Variants in ARHGAP42 observed in about 807,000 individuals in gnomAD.
The protein encoded by ARHGAP42 is rho GTPase-activating protein 42.
A neutral mutation model predicts 125.0 loss-of-function variants in ARHGAP42; 63 were observed. That is an observed-to-expected ratio of 0.50 (90% CI 0.41 to 0.62). The LOEUF (loss-of-function observed/expected upper bound fraction) is 0.62, where lower values mean the gene tolerates loss of function less well. Among genes scored for constraint, ARHGAP42 ranks in the 20% least tolerant of loss-of-function variants. The probability of loss-of-function intolerance (pLI) is 0.00; values close to 1 mark genes in which losing one functional copy is unlikely to be tolerated. For synonymous variants in ARHGAP42, 339 were observed against 351.0 expected, an observed-to-expected ratio of 0.97 and a Z score of 0.38; for missense variants, 766 against 1,024.2, an observed-to-expected ratio of 0.75 and a Z score of 3.44.
At chr11:100,720,649 G>T (rs181629209) in intron 1 of ARHGAP42, among the ~76,000 whole-genome samples, 1 of 150,568 alleles carries the variant, frequency 6.6e-6, no homozygotes, top group African/African-American at 2.5e-5. Flanking sequence ...GATATTTAAC[G>T]TTAATTGTAT....
intron 1 of ARHGAP42, among the ~76,000 whole-genome samples, 155 bp from the exon 2 acceptor site, chr11:100,770,188 A>G (rs576213819): frequency 3.3e-4 from 50 of 152,270 alleles, no homozygotes; most frequent in Non-Finnish European, 6.8e-4. Context: ...TCAAACTGGT[A>G]TTTTAAAGGA....
chr11:100,804,705 G>T (rs1305112828), intron 3 of ARHGAP42, among the ~76,000 whole-genome samples: 1 of 151,812 alleles, frequency 6.6e-6, no homozygotes, highest in Non-Finnish European at 1.5e-5. Flanking sequence ...TTAGAGATGG[G>T]GTTTCACTAT....
chr11:100,867,774 C>A (rs978195898), intron 4 of ARHGAP42, among the ~76,000 whole-genome samples: 2 of 152,216 alleles, frequency 1.3e-5, no homozygotes, highest in African/African-American at 4.8e-5. Context: ...CAGCTTTCAA[C>A]ATACCTTCCT....
At chr11:100,693,956 G>A (rs1286940077) in intron 1 of ARHGAP42, among the ~76,000 whole-genome samples, 2 of 149,544 alleles carry the variant, frequency 1.3e-5, no homozygotes, top group Non-Finnish European at 3.0e-5. Context: ...TTTTTTTGAT[G>A]GAGTCTCGCT....
chr11:100,775,281 C>T (rs947393021), intron 2 of ARHGAP42, among the ~76,000 whole-genome samples: 5 of 152,078 alleles, frequency 3.3e-5, no homozygotes, highest in South Asian at 2.1e-4. Flanking sequence ...GTGCTAGACA[C>T]GCGGGGCTCA....
At chr11:100,913,974 G>A (rs144367339) in intron 5 of ARHGAP42, among the ~76,000 whole-genome samples, 6 of 151,996 alleles carry the variant, frequency 3.9e-5, no homozygotes, top group African/African-American at 7.2e-5. Context: ...TGGCTGTGTC[G>A]CCCAGGCTGG....
intron 2 of ARHGAP42, among the ~76,000 whole-genome samples, chr11:100,783,151 C>T (rs1863353688): frequency 6.6e-6 from 1 of 152,150 alleles, no homozygotes; most frequent in South Asian, 2.1e-4. Context: ...GAACACTAGT[C>T]TTGGCTGGTC....
chr11:100,920,454 C>A (rs1867206773), intron 5 of ARHGAP42, among the ~76,000 whole-genome samples: 1 of 151,856 alleles, frequency 6.6e-6, no homozygotes, highest in Non-Finnish European at 1.5e-5. Context: ...TTTGTGAAAC[C>A]ACCATTATAA....
chr11:100,809,805 A>G (rs1864092828), intron 3 of ARHGAP42, among the ~76,000 whole-genome samples: 1 of 152,020 alleles, frequency 6.6e-6, no homozygotes, highest in African/African-American at 2.4e-5. Flanking sequence ...AAATACAAAA[A>G]TTAGCTGGGC....
intron 1 of ARHGAP42, among the ~76,000 whole-genome samples, chr11:100,734,452 C>T (rs1283135424): frequency 4.7e-5 from 7 of 149,824 alleles, no homozygotes; most frequent in African/African-American, 9.8e-5. Context: ...GCTAATTTTT[C>T]GTATTTTTAG....
At chr11:100,863,408 G>T (rs956360345) in intron 4 of ARHGAP42, among the ~76,000 whole-genome samples, 2 of 152,164 alleles carry the variant, frequency 1.3e-5, no homozygotes, top group Non-Finnish European at 2.9e-5. Context: ...AGTGGAAAAT[G>T]CTGAGTCAAA....
chr11:100,931,823 A>G (rs144889992), intron 6 of ARHGAP42, among the ~76,000 whole-genome samples: 5 of 152,272 alleles, frequency 3.3e-5, no homozygotes, highest in African/African-American at 1.2e-4. Flanking sequence ...GTGCCATAGT[A>G]TATGCATTCA....
At chr11:100,911,102 A>T (rs1866900719) in intron 4 of ARHGAP42, among the ~76,000 whole-genome samples, 1 of 152,192 alleles carries the variant, frequency 6.6e-6, no homozygotes. Flanking sequence ...CTATTTTAAG[A>T]TGAAAGGGAG....
At chr11:100,895,270 T>A (rs1399878088) in intron 4 of ARHGAP42, among the ~76,000 whole-genome samples, 2 of 152,126 alleles carry the variant, frequency 1.3e-5, no homozygotes, top group Non-Finnish European at 2.9e-5. Flanking sequence ...GTGTGGGAAG[T>A]AAAACGTGTT....
In ARHGAP42 at chr11:100,936,244, G is replaced by A; in HGVS notation, c.744G>A (p.Arg248=). The change falls in exon 8 of 24, where the codon CGG becomes CGA. Residue 248 remains arginine, a synonymous_variant. Coordinates refer to ENST00000298815, the MANE Select transcript of ARHGAP42 (RefSeq NM_152432.4). ...AAAGTACTCGACAAGAGGTAGAGCG[G>A]TTGATGCAAAGGATGAAATCTGCTA... is the stretch of plus-strand genomic sequence containing the variant. The part of the protein sequence containing the change: ...NFESTRQEVE[R]LMQRMKSANQ... 1.9e-6 allele frequency: 3 copies of A among 1,551,800 alleles called. No homozygotes were observed. The highest frequency in any genetic ancestry group is 2.6e-6 in the Non-Finnish European group (3 of 1,146,962).
intron 1 of ARHGAP42, among the ~76,000 whole-genome samples, chr11:100,747,877 T>C (rs933127895): frequency 9.2e-5 from 14 of 152,212 alleles, no homozygotes; most frequent in Non-Finnish European, 1.6e-4. Flanking sequence ...ATACCTCAAC[T>C]TTCTGACTTG....
At position 100,698,386 on chromosome 11, in the gene ARHGAP42, A is replaced by C. The variant is rs771179473; in HGVS notation, c.154+10554A>C. Among the ~76,000 whole-genome samples, 60 of 152,152 alleles carry C rather than the reference A, an allele frequency of 3.9e-4. 1 individual carries two copies. The highest frequency in any genetic ancestry group is 1.0e-3 in the South Asian group (5 of 4,830). Reference sequence around the variant, plus strand: ...CTCGGAAGGCTGAGGCAAGAGGATCACTTGAGCCCAGGAGGTCCGCGCTGC... The same window carrying C: ...CTCGGAAGGCTGAGGCAAGAGGATCCCTTGAGCCCAGGAGGTCCGCGCTGC... On this transcript the variant is annotated intron_variant, in intron 1 of 23. Transcript: ENST00000298815.
intron 2 of ARHGAP42, among the ~76,000 whole-genome samples, chr11:100,778,815 T>C (rs1863196179): frequency 6.6e-6 from 1 of 152,222 alleles, no homozygotes; most frequent in Non-Finnish European, 1.5e-5. Flanking sequence ...AAACTTGTCA[T>C]GTCACAAGCC....
rs1555008871 is a variant in ARHGAP42, at chr11:100,837,666, C to CTATTTTTTTTTTTTTTTTT, written c.313-21887_313-21886insATTTTTTTTTTTTTTTTTT. 1.3e-3 allele frequency among the ~76,000 whole-genome samples: 81 copies of CTATTTTTTTTTTTTTTTTT among 61,054 alleles called. 1 individual carries two copies. The highest frequency in any genetic ancestry group is 5.5e-3 in the African/African-American group (78 of 14,186). The allele number at this position is 61,054 out of a possible 152,430, so 40.1% of individuals were successfully genotyped here. A position where few individuals can be genotyped will look rare whatever the true frequency, so the allele number is the denominator to read the frequency against. On this transcript the variant is annotated intron_variant, in intron 3 of 23. Coordinates refer to ENST00000298815, the MANE Select transcript of ARHGAP42 (RefSeq NM_152432.4). ...CAGTTCCCAGAATCTAGGTGTCATC[C>CTATTTTTTTTTTTTTTTTT]TTTTTTTTTTTTTTTTTTTTTTTTT...
Sources: gnomAD v4.1 joint callset for allele counts (sites outside exome capture counted in the v4.1 genomes callset) on GRCh38, gnomAD v4.1.1 for gene constraint, MANE v1.5 for transcripts, NCBI Gene and HGNC (gene_info 2026-07-23, HGNC 2026-07-21) for gene names.